CANX: variants seen among roughly 807,000 people sequenced by gnomAD.
CANX encodes the protein calnexin, also known as epididymis secretory sperm binding protein.
CANX carries 14 observed loss-of-function variants against 75.7 expected under a neutral mutation model. The ratio of observed to expected loss-of-function variants is 0.19; its 90% CI spans 0.12 to 0.29. The LOEUF is 0.29. CANX is among the 10% of genes least tolerant of loss of function. CANX has a pLI of 1.00. For synonymous variants in CANX, 227 were observed against 236.9 expected (o/e 0.96, Z 0.38); for missense variants, 567 against 713.2 (o/e 0.79, Z 2.34).
chr5:179,710,455 C>T (rs538829551), intron 7 of CANX, among the ~76,000 whole-genome samples: 21 of 149,894 alleles, frequency 1.4e-4, no homozygotes, highest in African/African-American at 4.9e-4. Context: ...CACCTGTAAT[C>T]CCAGCACTTT....
At chr5:179,721,565 CT>C (rs1778314345) in intron 10 of CANX, among the ~76,000 whole-genome samples, 2 of 152,184 alleles carry the variant, frequency 1.3e-5, no homozygotes, top group Non-Finnish European at 2.9e-5. Flanking sequence ...GAGTCAGCAT[CT>C]TGACTACATC....
At chr5:179,712,848 T>A (rs1562488759) in intron 7 of CANX, among the ~76,000 whole-genome samples, 1 of 151,396 alleles carries the variant, frequency 6.6e-6, no homozygotes, top group Non-Finnish European at 1.5e-5. Context: ...CACAGCCTCC[T>A]GAGTAGCTGG....
chr5:179,702,799 C>T (rs533124400), intron 1 of CANX, among the ~76,000 whole-genome samples: 8 of 152,168 alleles, frequency 5.3e-5, no homozygotes, highest in East Asian at 1.9e-4. Context: ...GACAGTCTCA[C>T]TCTTGTTGGC....
chr5:179,716,365 A>G lies in CANX; in HGVS notation c.911+71A>G, dbSNP rs1049818404. ...TATTCCATGTGGCTTGAACAACGAA[A>G]TGTTGGTTGAGTAAGCTCTGATAAT... On this transcript the variant is annotated intron_variant, in intron 8 of 14. Transcript: ENST00000247461. The G allele has an allele frequency of 3.6e-6, 4 of 1,122,546 alleles. No homozygotes were observed. The African/African-American group carries it at 4.7e-5, about 13-fold the overall frequency. 69.5% of individuals were successfully genotyped at this position (1,122,546 alleles called of 1,614,324 possible).
chr5:179,716,342 T>G, intron 8 of CANX, 48 bp downstream of exon 8: 1 of 1,407,686 alleles, frequency 7.1e-7, no homozygotes, highest in Non-Finnish European at 9.9e-7. Context: ...ATTTCATATA[T>G]TCCATGTGGC....
chr5:179,707,583 CAAA>C (rs1200030925), intron 4 of CANX, among the ~76,000 whole-genome samples: 1 of 57,316 alleles, frequency 1.7e-5, no homozygotes, highest in Non-Finnish European at 3.3e-5. Flanking sequence ...GACTCCGTCT[CAAA>C]AAAAAAAAAA....
At chr5:179,698,512 G>A, upstream of CANX, 4 of 1,289,440 alleles carry the variant, frequency 3.1e-6, no homozygotes, top group Non-Finnish European at 4.0e-6. Flanking sequence ...ATGGCCGATC[G>A]TCGGACTCCT....
chr5:179,730,292 A>G lies in CANX; in HGVS notation c.*1648A>G, dbSNP rs976933955. On this transcript the variant is annotated 3_prime_UTR_variant, in exon 15 of 15. Transcript: ENST00000247461. ...CTGTATCTATTTTTTTTTCTTTTTA[A>G]AGTTTGTTCACTTAAATTCTTTTGA... 7.2e-6 allele frequency: 1 copy of G among 138,694 alleles called. No homozygotes were observed. Among genetic ancestry groups the G allele is most frequent in the Non-Finnish European group, 1.7e-5 (1 of 60,094 alleles). 8.6% of individuals were successfully genotyped at this position (138,694 alleles called of 1,614,324 possible).
intron 1 of CANX, among the ~76,000 whole-genome samples, chr5:179,703,205 G>T (rs934572255): frequency 6.6e-6 from 1 of 151,090 alleles, no homozygotes; most frequent in African/African-American, 2.4e-5. Context: ...GAGCCACCGC[G>T]CCTGGTGGAG....
At chr5:179,684,433 G>A (rs1406749386) in intron 1 of CANX, among the ~76,000 whole-genome samples, 4 of 145,560 alleles carry the variant, frequency 2.7e-5, no homozygotes, top group East Asian at 2.0e-4. Flanking sequence ...TCCACCTCCC[G>A]GGTTCACACC....
In CANX at chr5:179,717,828, G is replaced by A. The variant is rs549383908; in HGVS notation, c.911+1534G>A. Reference sequence around the variant, plus strand: ...TCTCCCGAGTTCAAGTGATTCTCCCGCCCTAGCCTCCCAAGTAGCTGGGAT... The same window carrying A: ...TCTCCCGAGTTCAAGTGATTCTCCCACCCTAGCCTCCCAAGTAGCTGGGAT... On this transcript the variant is annotated intron_variant, in intron 8 of 14. Coordinates refer to ENST00000247461, the MANE Select transcript of CANX (RefSeq NM_001746.4). 4.6e-5 allele frequency among the ~76,000 whole-genome samples: 7 copies of A among 151,242 alleles called. No homozygotes were observed. The South Asian group carries it at 8.4e-4, about 18-fold the overall frequency.
Position 179,728,800 on chromosome 5 carries a change from AACATCTAG to A in CANX, c.*157_*164del. On this transcript the variant is annotated 3_prime_UTR_variant, in exon 15 of 15. Transcript: ENST00000247461. Reference sequence around the variant, plus strand: ...TTGAACACTAGTCTGTGTAACTTTAAACATCTAGCAGTAAATACTTGCAGTTGTGATAT... The same window carrying A: ...TTGAACACTAGTCTGTGTAACTTTAACAGTAAATACTTGCAGTTGTGATAT... The A allele has an allele frequency of 4.2e-6, 3 of 707,994 alleles. No individual in the cohort carries two copies. In the South Asian group the frequency reaches 4.5e-5, roughly 11 times the overall value. The allele number at this position is 707,994 out of a possible 1,614,324, so 43.9% of individuals were successfully genotyped here. A position where few individuals can be genotyped will look rare whatever the true frequency, so the allele number is the denominator to read the frequency against.
chr5:179,686,095 TTCAAG>T (rs1418571307), intron 1 of CANX, among the ~76,000 whole-genome samples: 1 of 144,102 alleles, frequency 6.9e-6, no homozygotes, highest in African/African-American at 2.5e-5. Context: ...GAAGTGGTTG[TTCAAG>T]TCTTTTTTTT....
intron 1 of CANX, among the ~76,000 whole-genome samples, chr5:179,685,023 C>T (rs1016017438): frequency 7.2e-6 from 1 of 139,286 alleles, no homozygotes; most frequent in African/African-American, 2.7e-5. Flanking sequence ...AGTGATCCAT[C>T]TGCCTCTACC....
Position 179,727,600 on chromosome 5 carries a change from A to G in CANX, c.1725+841A>G, listed in dbSNP as rs566938525. ...CCAGGTTAGACAGGCTGTTGTGTGG[A>G]CTTGGCTTTCCCTCCTAGTGAAGCG... On this transcript the variant is annotated intron_variant, in intron 14 of 14. Transcript: ENST00000247461. 5.3e-5 allele frequency among the ~76,000 whole-genome samples: 8 copies of G among 152,326 alleles called. No individual in the cohort carries two copies. In the South Asian group the frequency reaches 1.7e-3, roughly 32 times the overall value.
At chr5:179,707,279 C>A (rs2113144610) in intron 4 of CANX, 89 bp downstream of exon 4, 2 of 814,252 alleles carry the variant, frequency 2.5e-6, no homozygotes, top group Non-Finnish European at 4.3e-6. Flanking sequence ...TTTAAAAGGA[C>A]ATAGTAGGCT....
intron 11 of CANX, among the ~76,000 whole-genome samples, 175 bp downstream of exon 11, chr5:179,723,194 T>C (rs1778425624): frequency 6.6e-6 from 1 of 152,176 alleles, no homozygotes; most frequent in Non-Finnish European, 1.5e-5. Flanking sequence ...TAGTCTAATG[T>C]AGTGGCTTTA....
At chr5:179,687,324 C>T (rs1390714881) in intron 1 of CANX, among the ~76,000 whole-genome samples, 3 of 150,994 alleles carry the variant, frequency 2.0e-5, no homozygotes, top group East Asian at 4.0e-4. Context: ...AGGATGGTCT[C>T]GATCTCCTGG....
chr5:179,692,085 T>C (rs1258393029), intron 1 of CANX, among the ~76,000 whole-genome samples: 1 of 150,496 alleles, frequency 6.6e-6, no homozygotes, highest in East Asian at 2.0e-4. Flanking sequence ...CGGCCTATTT[T>C]TTTTTTTGAG....
Sources: allele counts gnomAD v4.1 joint callset (sites outside exome capture counted in the v4.1 genomes callset), GRCh38; gene constraint gnomAD v4.1.1; transcripts MANE v1.5; gene names NCBI Gene and HGNC (gene_info 2026-07-23, HGNC 2026-07-21).